The following INTS6 variants were observed in gnomAD, a reference collection of about 807,000 sequenced individuals.
INTS6 encodes the protein integrator complex subunit 6.
INTS6 carries 16 observed loss-of-function variants against 104.9 expected under a neutral mutation model. The observed-to-expected ratio is 0.15, with a 90% confidence interval of 0.10 to 0.23. The LOEUF (loss-of-function observed/expected upper bound fraction) is 0.23, where lower values mean the gene tolerates loss of function less well. INTS6 is among the 10% of genes least tolerant of loss of function. INTS6 has a pLI of 1.00. For synonymous variants in INTS6, 324 were observed against 358.7 expected (o/e 0.90, Z 1.09); for missense variants, 584 against 1,062.8 (o/e 0.55, Z 6.26).
At chr13:51,352,685 CA>C (rs1338523008), downstream of INTS6, among the ~76,000 whole-genome samples, 12 of 152,010 alleles carry the variant, frequency 7.9e-5, no homozygotes, top group African/African-American at 2.9e-4. Flanking sequence ...GGAAAGTTTT[CA>C]GTCTTTTACT....
chr13:51,390,615 G>C (rs1416423129), intron 5 of INTS6, among the ~76,000 whole-genome samples: 1 of 151,872 alleles, frequency 6.6e-6, no homozygotes, highest in East Asian at 1.9e-4. Context: ...CACAACACAA[G>C]CTACATCATT....
chr13:51,386,446 T>C (rs918265111), intron 7 of INTS6, among the ~76,000 whole-genome samples: 6 of 152,094 alleles, frequency 3.9e-5, no homozygotes, highest in Admixed American at 2.0e-4. Flanking sequence ...AAAACTATGA[T>C]GGTTCTATCA....
intron 7 of INTS6, among the ~76,000 whole-genome samples, chr13:51,385,876 C>T (rs1308362021): frequency 1.3e-5 from 2 of 152,098 alleles, no homozygotes; most frequent in Non-Finnish European, 2.9e-5. Flanking sequence ...CCTTTCAACT[C>T]ATCTCCCCTT....
chr13:51,361,505 AAAG>A (rs544678874), downstream of INTS6: 472 of 638,106 alleles, frequency 7.4e-4, 2 homozygotes, highest in East Asian at 9.3e-3. Context: ...AAGGAACACT[AAAG>A]AAAACAAAAA....
intron 3 of INTS6, chr13:51,436,945 T>G (rs1952701553): frequency 6.6e-6 from 1 of 152,084 alleles, no homozygotes; most frequent in African/African-American, 2.4e-5. Context: ...ATTCTAAGAA[T>G]CTAATACATA....
intron 4 of INTS6, among the ~76,000 whole-genome samples, chr13:51,401,987 A>C (rs1326802151): frequency 1.3e-5 from 2 of 152,200 alleles, no homozygotes; most frequent in Non-Finnish European, 2.9e-5. Context: ...TTCTGTATCA[A>C]TCTAGTGATT....
At chr13:51,368,867 C>T in intron 16 of INTS6, 72 bp downstream of exon 16, 1 of 1,431,888 alleles carries the variant, frequency 7.0e-7, no homozygotes, top group Admixed American at 2.4e-5. Flanking sequence ...AGTTACTTGA[C>T]TTTTTTTTTC....
intron 13 of INTS6, 102 bp from the exon 14 acceptor site, chr13:51,374,898 T>G (rs1955887654): frequency 8.7e-7 from 1 of 1,153,586 alleles, no homozygotes; most frequent in East Asian, 2.5e-5. Flanking sequence ...CTAGACAGTC[T>G]TCTTTACCAA....
At chr13:51,347,023 A>G in the INTS6 span, 1 of 1,572,674 alleles carries the variant, frequency 6.4e-7, no homozygotes, top group African/African-American at 1.3e-5. Context: ...TCCTGCTTGC[A>G]GGTGGGGGCC....
At chr13:51,416,168 C>G in intron 4 of INTS6, among the ~76,000 whole-genome samples, 1 of 152,160 alleles carries the variant, frequency 6.6e-6, no homozygotes, top group East Asian at 1.9e-4. Context: ...AAGGAGATAA[C>G]AGAAATGATC....
At chr13:51,442,379 C>T (rs1405008106) in intron 3 of INTS6, 1 of 152,230 alleles carries the variant, frequency 6.6e-6, no homozygotes, top group Non-Finnish European at 1.5e-5. Context: ...TCAGGTGATC[C>T]ACCCACCTCA....
At chr13:51,385,507 C>T (rs1244837105) in intron 7 of INTS6, among the ~76,000 whole-genome samples, 1 of 151,574 alleles carries the variant, frequency 6.6e-6, no homozygotes, top group Admixed American at 6.6e-5. Flanking sequence ...TAGAACTTGG[C>T]CAAGAAAATT....
the INTS6 span, chr13:51,347,162 C>CT: frequency 6.2e-7 from 1 of 1,614,006 alleles, no homozygotes; most frequent in Non-Finnish European, 8.5e-7. Context: ...CACACAGATC[C>CT]TGCCTTTCAC....
chr13:51,353,477 G>A (rs189740140), downstream of INTS6, among the ~76,000 whole-genome samples: 7 of 152,246 alleles, frequency 4.6e-5, no homozygotes, highest in Admixed American at 3.9e-4. Context: ...AACTTCCCAC[G>A]GAGGTAAAGT....
At chr13:51,380,077 T>C (rs1956016472) in intron 10 of INTS6, among the ~76,000 whole-genome samples, 1 of 152,024 alleles carries the variant, frequency 6.6e-6, no homozygotes, top group Non-Finnish European at 1.5e-5. Flanking sequence ...TCTTACAGGG[T>C]TGTCATGGGA....
At chr13:51,409,347 G>A (rs1274899931) in intron 4 of INTS6, among the ~76,000 whole-genome samples, 1 of 149,228 alleles carries the variant, frequency 6.7e-6, no homozygotes, top group Non-Finnish European at 1.5e-5. Flanking sequence ...AAGACTCTGA[G>A]TATTTCATTC....
At position 51,364,181 on chromosome 13, in the gene INTS6, C is replaced by A; in HGVS notation, c.*1571G>T. The A allele has an allele frequency of 1.2e-6, 1 of 824,112 alleles. No individual in the cohort carries two copies. Among genetic ancestry groups the A allele is most frequent in the Non-Finnish European group, 1.9e-6 (1 of 540,378 alleles). 51.0% of individuals were successfully genotyped at this position (824,112 alleles called of 1,614,324 possible). ...AGTATTTGTATAGAAGTAAACAAAG[C>A]TTAAAGAACTGCATATGAAAATACT... On this transcript the variant is annotated 3_prime_UTR_variant, in exon 18 of 18. Transcript: ENST00000311234.
the INTS6 span, chr13:51,344,281 G>A: frequency 2.5e-6 from 4 of 1,613,978 alleles, no homozygotes; most frequent in Non-Finnish European, 1.7e-6. Context: ...CTTGCATGCT[G>A]TTTATGCCAC....
chr13:51,425,461 A>G (rs1956968039), intron 4 of INTS6, among the ~76,000 whole-genome samples: 1 of 152,100 alleles, frequency 6.6e-6, no homozygotes, highest in Non-Finnish European at 1.5e-5. Flanking sequence ...CTCCACAGCA[A>G]TCATAACATT....
Sources: allele counts gnomAD v4.1 joint callset (sites outside exome capture counted in the v4.1 genomes callset), GRCh38; gene constraint gnomAD v4.1.1; transcripts MANE v1.5; gene names NCBI Gene and HGNC (gene_info 2026-07-23, HGNC 2026-07-21).